The following FRMPD1 variants were observed in gnomAD, a reference collection of about 807,000 sequenced individuals.
The protein encoded by FRMPD1 is FERM and PDZ domain-containing protein 1.
In FRMPD1, 76 loss-of-function variants were observed where a neutral mutation model predicts 117.8. That is an observed-to-expected ratio of 0.65 (90% CI 0.54 to 0.78). The LOEUF (loss-of-function observed/expected upper bound fraction) is 0.78. Among genes scored for constraint, FRMPD1 ranks in the 30% least tolerant of loss-of-function variants. FRMPD1 has a pLI of 0.00. For missense variants in FRMPD1, 1,786 were observed against 1,964.5 expected (o/e 0.91, Z 1.72); for synonymous variants, 783 against 770.4 (o/e 1.02, Z -0.27).
At chr9:37,612,125 G>T in the FRMPD1 span, among the ~76,000 whole-genome samples, 1 of 152,136 alleles carries the variant, frequency 6.6e-6, no homozygotes. Context: ...TATCCCAGGG[G>T]TGTGATGTGG....
the FRMPD1 span, among the ~76,000 whole-genome samples, chr9:37,620,715 C>T: frequency 6.6e-6 from 1 of 151,912 alleles, no homozygotes; most frequent in Non-Finnish European, 1.5e-5. Context: ...AAGTATAGCA[C>T]AGTTTTTTTT....
In FRMPD1 at chr9:37,746,345, C is replaced by T. The variant is rs1445916100; in HGVS notation, c.4313C>T (p.Thr1438Ile). 2 of 1,612,604 alleles carry T rather than the reference C, an allele frequency of 1.2e-6. No homozygotes were observed. The highest frequency in any genetic ancestry group is 1.7e-6 in the Non-Finnish European group (2 of 1,179,698). Residue 1438 changes from threonine to isoleucine, a missense_variant, in exon 16 of 16, where the codon ACT becomes ATT. Thr to Ile is a moderately conservative substitution (Grantham distance 89). Coordinates refer to ENST00000377765, the MANE Select transcript of FRMPD1 (RefSeq NM_014907.3). ...CTGGAGCTACAAGACATTTTAGAAA[C>T]TTCCTGGGGGGTTGGAAACAAACAT... is the stretch of plus-strand genomic sequence containing the variant. ...SLLELQDILETSWGVGNKHPP... is the reference protein window; with the variant it reads ...SLLELQDILEISWGVGNKHPP...
intron 7 of FRMPD1, among the ~76,000 whole-genome samples, chr9:37,726,287 G>A (rs1454488136): frequency 1.3e-5 from 2 of 152,162 alleles, no homozygotes; most frequent in Non-Finnish European, 2.9e-5. Flanking sequence ...AAAAGTTCTT[G>A]TATTAGAAAA....
chr9:37,740,352 C>G lies in FRMPD1; in HGVS notation c.1824C>G (p.Ser608=). The G allele has an allele frequency of 6.2e-7, 1 of 1,613,680 alleles. No homozygotes were observed. The highest frequency in any genetic ancestry group is 1.1e-5 in the South Asian group (1 of 91,082). The change falls in exon 15 of 16, where the codon TCC becomes TCG. Residue 608 remains serine, a synonymous_variant. Transcript: ENST00000377765. This position sits in a 1 kb window ranked among gnomAD's most constrained non-coding sequence, Gnocchi z 4.2. ...RGYRTSGSSE[S]MDALEEDDLD... is the part of the protein sequence containing the mutation. ...ACAGGACCAGTGGCTCGAGTGAGTC[C>G]ATGGACGCTCTGGAAGAGGATGACT... is the stretch of plus-strand genomic sequence containing the variant.
the FRMPD1 span, among the ~76,000 whole-genome samples, chr9:37,624,796 C>A: frequency 1.3e-5 from 2 of 152,216 alleles, no homozygotes; most frequent in African/African-American, 4.8e-5. Context: ...GTACTTTCCA[C>A]CCTACCAGCA....
chr9:37,708,029 A>G (rs1167306375), intron 3 of FRMPD1, among the ~76,000 whole-genome samples: 1 of 152,198 alleles, frequency 6.6e-6, no homozygotes, highest in Non-Finnish European at 1.5e-5. Context: ...TTCATAATTG[A>G]GGTGTGTTAA....
intron 1 of FRMPD1, among the ~76,000 whole-genome samples, chr9:37,684,320 T>G (rs1821846298): frequency 6.6e-6 from 1 of 152,250 alleles, no homozygotes; most frequent in African/African-American, 2.4e-5. Context: ...CAGTTTCCTT[T>G]TTTTGTAAAT....
the FRMPD1 span, among the ~76,000 whole-genome samples, chr9:37,629,443 T>C: frequency 6.6e-6 from 1 of 152,194 alleles, no homozygotes; most frequent in Non-Finnish European, 1.5e-5. Flanking sequence ...GAGTGGGGGC[T>C]GCTCTATATG....
chr9:37,717,381 A>ATTTT (rs61705193), intron 5 of FRMPD1, among the ~76,000 whole-genome samples: 3 of 114,342 alleles, frequency 2.6e-5, no homozygotes, highest in African/African-American at 6.5e-5. Flanking sequence ...ATATATATAT[A>ATTTT]TTTTTTTTTT....
At chr9:37,609,367 C>T in the FRMPD1 span, among the ~76,000 whole-genome samples, 3 of 152,100 alleles carry the variant, frequency 2.0e-5, no homozygotes, top group Non-Finnish European at 4.4e-5. Context: ...CGTTCCTCTG[C>T]CCCCAAGAAA....
At chr9:37,638,934 C>T in the FRMPD1 span, among the ~76,000 whole-genome samples, 2 of 152,216 alleles carry the variant, frequency 1.3e-5, no homozygotes, top group African/African-American at 4.8e-5. Context: ...GGTTCCCCAA[C>T]TTTCTTGTTT....
At chr9:37,711,229 C>A (rs574404415) in intron 4 of FRMPD1, 121 bp from the exon 5 acceptor site, 2 of 737,524 alleles carry the variant, frequency 2.7e-6, no homozygotes, top group South Asian at 1.6e-5. Flanking sequence ...AAGGAGGCTG[C>A]TTTATACTCA....
rs1820656858 is a variant in FRMPD1, at chr9:37,651,107, T to G, written c.-5+13T>G. ...ACCTCCTCTGCAGGTAAGGGAGGGG[T>G]CCTGGCACCGCAAAGTTTTGGGGAG... On this transcript the variant is annotated intron_variant, in intron 1 of 15. Transcript: ENST00000377765. The G allele has an allele frequency of 6.6e-6, 1 of 151,316 alleles. No homozygotes were observed. Among genetic ancestry groups the G allele is most frequent in the Non-Finnish European group, 1.5e-5 (1 of 68,008 alleles). The allele number at this position is 151,316 out of a possible 1,614,324, so 9.4% of individuals were successfully genotyped here.
intron 7 of FRMPD1, among the ~76,000 whole-genome samples, chr9:37,725,225 T>C (rs544937124): frequency 6.6e-6 from 1 of 152,304 alleles, no homozygotes; most frequent in East Asian, 1.9e-4. Context: ...TAATATCGTA[T>C]GGTGCTAGCA....
intron 1 of FRMPD1, among the ~76,000 whole-genome samples, chr9:37,657,437 G>T (rs188937465): frequency 3.8e-4 from 58 of 152,300 alleles, no homozygotes; most frequent in African/African-American, 1.3e-3. Context: ...TTATTTAGTA[G>T]CTGCAGTCTC....
chr9:37,681,879 C>T (rs756428674), intron 1 of FRMPD1, among the ~76,000 whole-genome samples: 33 of 152,140 alleles, frequency 2.2e-4, no homozygotes, highest in Non-Finnish European at 4.3e-4. Flanking sequence ...TGAATCCATA[C>T]GAAGTTAGAA....
the FRMPD1 span, among the ~76,000 whole-genome samples, chr9:37,624,287 A>G: frequency 1.3e-5 from 2 of 152,228 alleles, no homozygotes; most frequent in African/African-American, 4.8e-5. Context: ...TCACTGGTCA[A>G]ACTCACCTGA....
chr9:37,708,255 A>G (rs910513842), intron 3 of FRMPD1, 144 bp from the exon 4 acceptor site: 6 of 609,940 alleles, frequency 9.8e-6, no homozygotes, highest in African/African-American at 9.2e-5. Context: ...TAAGATCCAC[A>G]TGAGCCCAAG....
At chr9:37,729,971 C>A in intron 8 of FRMPD1, 118 bp downstream of exon 8, 1 of 1,052,532 alleles carries the variant, frequency 9.5e-7, no homozygotes. Context: ...CTTTCTCTTG[C>A]CCCAGAAGGC....
Sources: gnomAD v4.1 joint callset for allele counts (sites outside exome capture counted in the v4.1 genomes callset) on GRCh38, gnomAD v4.1.1 for gene constraint, Gnocchi (gnomAD v3.1) non-coding constraint, MANE v1.5 for transcripts, NCBI Gene and HGNC (gene_info 2026-07-23, HGNC 2026-07-21) for gene names.